The following ZNF385B variants were observed in gnomAD, a reference collection of about 807,000 sequenced individuals.
ZNF385B encodes zinc finger protein 385B.
In ZNF385B, 23 loss-of-function variants were observed where a neutral mutation model predicts 39.2. The ratio of observed to expected loss-of-function variants is 0.59; its 90% CI spans 0.42 to 0.83. The LOEUF (loss-of-function observed/expected upper bound fraction) is 0.83, where lower values mean the gene tolerates loss of function less well. ZNF385B is among the 40% of genes least tolerant of loss of function. The pLI, the probability that ZNF385B is intolerant of heterozygous loss-of-function variation, is 0.00. For missense variants in ZNF385B, 552 were observed against 598.9 expected (o/e 0.92, Z 0.82); for synonymous variants, 205 against 222.6 (o/e 0.92, Z 0.70).
intron 5 of ZNF385B, among the ~76,000 whole-genome samples, chr2:179,493,316 C>G (rs1346017328): frequency 1.3e-5 from 2 of 151,612 alleles, no homozygotes; most frequent in Non-Finnish European, 1.5e-5. Flanking sequence ...AGGCATATGG[C>G]ATGTATATGT....
In ZNF385B at chr2:179,618,412, A is replaced by ACTCCTTTCAGAGTTTC. The variant is rs373196193; in HGVS notation, c.299-73444_299-73443insGAAACTCTGAAAGGAG. ...TCTTTCCTGTTTATTCATATTCATA[A>ACTCCTTTCAGAGTTTC]CTCCTTTCAGAACAGTTTCCTAAGA... On this transcript the variant is annotated intron_variant, in intron 3 of 9. Transcript: ENST00000410066. Among the ~76,000 whole-genome samples the ACTCCTTTCAGAGTTTC allele has an allele frequency of 7.2e-4, 109 of 152,114 alleles. 1 individual carries two copies. The East Asian group carries it at 0.021, about 29-fold the overall frequency.
intron 3 of ZNF385B, among the ~76,000 whole-genome samples, chr2:179,753,198 C>T (rs534148228): frequency 1.3e-5 from 2 of 152,244 alleles, no homozygotes; most frequent in African/African-American, 2.4e-5. Context: ...GGAATCATTT[C>T]CCCATTTCTT....
At chr2:179,812,221 A>G (rs1419496992) in intron 1 of ZNF385B, among the ~76,000 whole-genome samples, 1 of 152,220 alleles carries the variant, frequency 6.6e-6, no homozygotes, top group African/African-American at 2.4e-5. Context: ...CAACTGGGGA[A>G]AGCAGTTTGG....
chr2:179,472,531 G>T (rs1054667796), intron 6 of ZNF385B, among the ~76,000 whole-genome samples: 13 of 152,124 alleles, frequency 8.5e-5, no homozygotes, highest in Non-Finnish European at 1.5e-4. Context: ...CTCTACTGTG[G>T]TAAGAACTTC....
intron 3 of ZNF385B, among the ~76,000 whole-genome samples, chr2:179,617,805 A>G (rs1005390832): frequency 6.6e-6 from 1 of 152,204 alleles, no homozygotes; most frequent in Non-Finnish European, 1.5e-5. Context: ...TAGTATACCC[A>G]TCATCCAAAT....
chr2:179,593,392 C>T (rs896903685), intron 3 of ZNF385B, among the ~76,000 whole-genome samples: 21 of 152,130 alleles, frequency 1.4e-4, no homozygotes, highest in African/African-American at 5.1e-4. Context: ...ACAAGGAATA[C>T]GTTTGATGAA....
chr2:179,545,228 A>T (rs540311898), intron 3 of ZNF385B, among the ~76,000 whole-genome samples: 1 of 152,284 alleles, frequency 6.6e-6, no homozygotes, highest in African/African-American at 2.4e-5. Flanking sequence ...TAGTAGACAG[A>T]TCCTACTGGC....
At chr2:179,643,706 A>G (rs1227494270) in intron 3 of ZNF385B, among the ~76,000 whole-genome samples, 1 of 152,178 alleles carries the variant, frequency 6.6e-6, no homozygotes, top group Non-Finnish European at 1.5e-5. Flanking sequence ...GCCAAGGGTG[A>G]GGGATGGAGA....
intron 3 of ZNF385B, among the ~76,000 whole-genome samples, chr2:179,551,019 C>A (rs2060528767): frequency 6.6e-6 from 1 of 152,086 alleles, no homozygotes; most frequent in South Asian, 2.1e-4. Context: ...TTGCTATTCT[C>A]ATGGGACAGA....
chr2:179,762,403 G>A (rs919153140), intron 3 of ZNF385B, among the ~76,000 whole-genome samples: 24 of 152,072 alleles, frequency 1.6e-4, no homozygotes, highest in African/African-American at 5.3e-4. Context: ...CGTTGGCCAG[G>A]CTGGTCTCAA....
At chr2:179,709,080 G>T (rs1176339705) in intron 3 of ZNF385B, among the ~76,000 whole-genome samples, 1 of 152,148 alleles carries the variant, frequency 6.6e-6, no homozygotes, top group African/African-American at 2.4e-5. Context: ...AGAGAGTGAA[G>T]ACCAATTTGC....
chr2:179,614,285 G>A (rs571613380), intron 3 of ZNF385B, among the ~76,000 whole-genome samples: 3 of 149,402 alleles, frequency 2.0e-5, no homozygotes, highest in South Asian at 2.2e-4. Flanking sequence ...GCTTCTAGTC[G>A]GCCACCTTGC....
chr2:179,469,525 A>G (rs1191047295), intron 6 of ZNF385B, among the ~76,000 whole-genome samples: 7 of 152,138 alleles, frequency 4.6e-5, no homozygotes, highest in African/African-American at 1.4e-4. Flanking sequence ...CGAAGGGACT[A>G]CACTATTAAG....
chr2:179,814,507 G>A, intron 1 of ZNF385B: 11 of 688,154 alleles, frequency 1.6e-5, no homozygotes, highest in South Asian at 1.5e-4. Flanking sequence ...TTTTTCTTCA[G>A]GAACAAGCAC....
rs546044297 is a variant in ZNF385B, at chr2:179,690,159, C to T, written c.298+79344G>A. Among the ~76,000 whole-genome samples, 5 of 152,034 alleles carry T rather than the reference C, an allele frequency of 3.3e-5. No individual in the cohort carries two copies. The East Asian group carries it at 7.7e-4, about 23-fold the overall frequency. On this transcript the variant is annotated intron_variant, in intron 3 of 9. Transcript: ENST00000410066. ...CTGATAGACCCAGGTAAGATGATAA[C>T]GGCACAATGAGAAAATGCAGAGGGA...
At chr2:179,633,252 A>G (rs567534755) in intron 3 of ZNF385B, among the ~76,000 whole-genome samples, 75 of 152,290 alleles carry the variant, frequency 4.9e-4, no homozygotes, top group African/African-American at 1.7e-3. Flanking sequence ...CACACCAAAT[A>G]AAGAGAATTT....
chr2:179,806,410 A>G (rs192817366), intron 1 of ZNF385B, among the ~76,000 whole-genome samples: 219 of 152,276 alleles, frequency 1.4e-3, no homozygotes, highest in African/African-American at 5.1e-3. Context: ...TCTTTTGAAT[A>G]AGAAGAGGGA....
At position 179,525,288 on chromosome 2, in the gene ZNF385B, G is replaced by A. The variant is rs1018504254; in HGVS notation, c.442-6650C>T. Among the ~76,000 whole-genome samples, 7 of 152,276 alleles carry A rather than the reference G, an allele frequency of 4.6e-5. No individual in the cohort carries two copies. The South Asian group carries it at 1.5e-3, about 32-fold the overall frequency. ...ACAAACCTAAGGTGCTTAAGGAAAA[G>A]TTTTCTGGAAAAGCGAGTCTAGGTT... On this transcript the variant is annotated intron_variant, in intron 4 of 9. Coordinates refer to ENST00000410066, the MANE Select transcript of ZNF385B (RefSeq NM_152520.6).
At chr2:179,845,014 T>A (rs1252846311) in intron 1 of ZNF385B, among the ~76,000 whole-genome samples, 1 of 152,174 alleles carries the variant, frequency 6.6e-6, no homozygotes, top group East Asian at 1.9e-4. Flanking sequence ...TTTTTCCATA[T>A]GTCAGGAGCA....
Sources: allele counts gnomAD v4.1 joint callset (sites outside exome capture counted in the v4.1 genomes callset), GRCh38; gene constraint gnomAD v4.1.1; transcripts MANE v1.5; gene names NCBI Gene and HGNC (gene_info 2026-07-23, HGNC 2026-07-21).